The following CSMD1 variants were observed in gnomAD, a reference collection of about 807,000 sequenced individuals.
The protein encoded by CSMD1 is CUB and sushi domain-containing protein 1.
In CSMD1, 213 loss-of-function variants were observed where a neutral mutation model predicts 417.5. That is an observed-to-expected ratio of 0.51 (90% CI 0.46 to 0.57). CSMD1 has a LOEUF of 0.57. Among genes scored for constraint, CSMD1 ranks in the 20% least tolerant of loss-of-function variants. The probability of loss-of-function intolerance (pLI) is 0.00; values close to 1 mark genes in which losing one functional copy is unlikely to be tolerated. For missense variants in CSMD1, 6,923 were observed against 4,529.7 expected (o/e 1.53, Z -15.17); for synonymous variants, 2,862 against 1,736.8 (o/e 1.65, Z -16.11).
At chr8:4,930,630 G>C (rs1183826432) in intron 1 of CSMD1, among the ~76,000 whole-genome samples, 3 of 152,140 alleles carry the variant, frequency 2.0e-5, no homozygotes, top group Non-Finnish European at 2.9e-5. Flanking sequence ...TCTCTCCAAA[G>C]ACTGGTTCCT....
intron 7 of CSMD1, among the ~76,000 whole-genome samples, chr8:3,685,294 T>A (rs145755034): frequency 6.6e-6 from 1 of 152,292 alleles, no homozygotes; most frequent in East Asian, 1.9e-4. Context: ...GTTTAATGAC[T>A]CGGCAGTCTA....
At chr8:2,941,177 G>C (rs1278277726) in intron 69 of CSMD1, among the ~76,000 whole-genome samples, 1 of 152,108 alleles carries the variant, frequency 6.6e-6, no homozygotes, top group Non-Finnish European at 1.5e-5. Context: ...TTTTCATTGA[G>C]TCATATTCTT....
At chr8:3,336,971 G>A (rs1050598373) in intron 23 of CSMD1, among the ~76,000 whole-genome samples, 7 of 152,138 alleles carry the variant, frequency 4.6e-5, no homozygotes, top group Non-Finnish European at 1.0e-4. Context: ...CTGACCTTAT[G>A]CCAGTTGCTA....
intron 5 of CSMD1, among the ~76,000 whole-genome samples, chr8:3,837,816 T>C (rs1802806689): frequency 6.6e-6 from 1 of 152,146 alleles, no homozygotes; most frequent in Non-Finnish European, 1.5e-5. Flanking sequence ...AACCAGTGCT[T>C]CCCTCTCTAT....
chr8:3,236,602 C>G (rs1380657077), intron 26 of CSMD1, among the ~76,000 whole-genome samples: 1 of 152,182 alleles, frequency 6.6e-6, no homozygotes, highest in Non-Finnish European at 1.5e-5. Flanking sequence ...CACCCAGGGG[C>G]ACTCCATTAG....
At chr8:4,098,417 G>T (rs192501442) in intron 3 of CSMD1, among the ~76,000 whole-genome samples, 1 of 151,598 alleles carries the variant, frequency 6.6e-6, no homozygotes, top group South Asian at 2.1e-4. Context: ...TTTTTTCAGG[G>T]TCATGTTACA....
intron 4 of CSMD1, among the ~76,000 whole-genome samples, chr8:4,029,136 A>G (rs2130557470): frequency 6.6e-6 from 1 of 152,306 alleles, no homozygotes; most frequent in South Asian, 2.1e-4. Context: ...AAAAAGATAA[A>G]AAGGAGGCAA....
chr8:4,577,904 C>A (rs1187896463), intron 2 of CSMD1, among the ~76,000 whole-genome samples: 1 of 152,234 alleles, frequency 6.6e-6, no homozygotes, highest in South Asian at 2.1e-4. Context: ...TGTATCAAGT[C>A]CTAGGAAACA....
At chr8:4,742,305 T>C in intron 1 of CSMD1, among the ~76,000 whole-genome samples, 1 of 151,758 alleles carries the variant, frequency 6.6e-6, no homozygotes, top group African/African-American at 2.4e-5. Flanking sequence ...GCTGAGATTA[T>C]AGGCATGAGC....
intron 9 of CSMD1, among the ~76,000 whole-genome samples, chr8:3,578,767 G>A (rs755257026): frequency 2.0e-5 from 3 of 152,168 alleles, no homozygotes; most frequent in South Asian, 2.1e-4. Flanking sequence ...AGCATCCCTG[G>A]AGGCAGGGAA....
intron 7 of CSMD1, among the ~76,000 whole-genome samples, chr8:3,646,307 A>C (rs567373319): frequency 1.3e-5 from 2 of 152,278 alleles, no homozygotes; most frequent in South Asian, 4.1e-4. Flanking sequence ...AATATACTAA[A>C]TATACTAAAA....
intron 3 of CSMD1, among the ~76,000 whole-genome samples, chr8:4,120,283 C>G (rs1480370808): frequency 6.7e-6 from 1 of 149,754 alleles, no homozygotes; most frequent in Non-Finnish European, 1.5e-5. Context: ...GGGTTTTCAC[C>G]TTTTATTATA....
chr8:4,658,387 G>T (rs1263083099), intron 1 of CSMD1, among the ~76,000 whole-genome samples: 3 of 152,042 alleles, frequency 2.0e-5, no homozygotes, highest in Non-Finnish European at 4.4e-5. Context: ...CAGATCCTTA[G>T]AAAGAGCACC....
chr8:3,943,200 G>C (rs1362545816), intron 5 of CSMD1, among the ~76,000 whole-genome samples: 1 of 151,928 alleles, frequency 6.6e-6, no homozygotes. Context: ...CCTGGTGTTC[G>C]ATTTTTATCA....
At chr8:3,456,083 C>T (rs61657999) in intron 12 of CSMD1, among the ~76,000 whole-genome samples, 11,493 of 152,218 alleles carry the variant, frequency 0.076, 1,044 homozygotes, top group East Asian at 0.22. Flanking sequence ...AATGAGCAAG[C>T]CTTCATGGGC....
intron 3 of CSMD1, among the ~76,000 whole-genome samples, chr8:4,350,302 C>G (rs976850276): frequency 3.5e-4 from 53 of 152,286 alleles, no homozygotes; most frequent in African/African-American, 1.3e-3. Context: ...GTGCTGTCTA[C>G]TTGAGGTCTA....
At position 4,419,145 on chromosome 8, in the gene CSMD1, T is replaced by C. The variant is rs76634200; in HGVS notation, c.415+808A>G. On this transcript the variant is annotated intron_variant, in intron 3 of 69. Transcript: ENST00000635120. ...TGACATCCCAAGTAAACAGTGTGTGTTGTAAATAGGAATTGGTTTACACCC... is the reference window on the plus strand; with the variant it reads ...TGACATCCCAAGTAAACAGTGTGTGCTGTAAATAGGAATTGGTTTACACCC... Among the ~76,000 whole-genome samples the C allele has an allele frequency of 1.1e-3, 166 of 152,290 alleles. 3 individuals are homozygous for C. The East Asian group carries it at 0.024, about 22-fold the overall frequency.
chr8:3,566,326 A>G (rs13260637), intron 10 of CSMD1, among the ~76,000 whole-genome samples: 60,408 of 151,988 alleles, frequency 0.4, 12,273 homozygotes, highest in Middle Eastern at 0.48. Context: ...GGTGCTTTAA[A>G]TCGATTACAT....
chr8:4,141,930 G>C (rs1283428441), intron 3 of CSMD1, among the ~76,000 whole-genome samples: 1 of 150,928 alleles, frequency 6.6e-6, no homozygotes, highest in East Asian at 1.9e-4. Context: ...TATTTGCTAT[G>C]CTATCCAAAA....
Sources: allele counts gnomAD v4.1 joint callset (sites outside exome capture counted in the v4.1 genomes callset), GRCh38; gene constraint gnomAD v4.1.1; transcripts MANE v1.5; gene names NCBI Gene and HGNC (gene_info 2026-07-23, HGNC 2026-07-21).